CAPZB: variants seen among roughly 807,000 people sequenced by gnomAD.
The protein encoded by CAPZB is capping actin protein of muscle Z-line subunit beta.
CAPZB carries 2 observed loss-of-function variants against 38.1 expected under a neutral mutation model. That is an observed-to-expected ratio of 0.05 (90% CI 0.02 to 0.17). The LOEUF is 0.17. Among genes scored for constraint, CAPZB ranks in the 10% least tolerant of loss-of-function variants. The pLI is 1.00. For missense variants in CAPZB, 161 were observed against 334.2 expected, an observed-to-expected ratio of 0.48 and a Z score of 4.04; for synonymous variants, 107 against 127.4, an observed-to-expected ratio of 0.84 and a Z score of 1.08.
intron 1 of CAPZB, among the ~76,000 whole-genome samples, chr1:19,441,835 C>A (rs1427909788): frequency 6.6e-6 from 1 of 151,992 alleles, no homozygotes; most frequent in African/African-American, 2.4e-5. Flanking sequence ...TGGCAAAACC[C>A]CATCTCTACC....
chr1:19,452,793 C>CTTT (rs34430556), intron 1 of CAPZB, among the ~76,000 whole-genome samples: 11 of 118,426 alleles, frequency 9.3e-5, no homozygotes, highest in African/African-American at 1.9e-4. Flanking sequence ...TAATTTCTTT[C>CTTT]TTTTTTTTTT....
intron 1 of CAPZB, among the ~76,000 whole-genome samples, chr1:19,427,462 G>A (rs569218926): frequency 2.0e-5 from 3 of 152,304 alleles, no homozygotes; most frequent in African/African-American, 7.2e-5. Flanking sequence ...ACTTAACCAT[G>A]GTTTGTCTTG....
intron 8 of CAPZB, among the ~76,000 whole-genome samples, chr1:19,343,594 G>A (rs2093944557): frequency 6.6e-6 from 1 of 152,200 alleles, no homozygotes; most frequent in Non-Finnish European, 1.5e-5. Context: ...CAGAGCTTAG[G>A]GGAGATCCCG....
At chr1:19,373,319 G>C (rs1328086866) in intron 4 of CAPZB, among the ~76,000 whole-genome samples, 1 of 152,182 alleles carries the variant, frequency 6.6e-6, no homozygotes, top group South Asian at 2.1e-4. Flanking sequence ...GGGGAGAGGG[G>C]CTGCCACATC....
rs375034460 is a variant in CAPZB, at chr1:19,343,440, C to T, written c.731+918G>A. On this transcript the variant is annotated intron_variant, in intron 8 of 8. Coordinates refer to ENST00000264202, the MANE Select transcript of CAPZB (RefSeq NM_004930.5). ...CACGGCAGTGGGTGAGAGGGCTGGC[C>T]GCTAAAGGCATAGCACAGCCCGACT... 3.0e-4 allele frequency among the ~76,000 whole-genome samples: 45 copies of T among 152,316 alleles called. No homozygotes were observed. In the East Asian group the frequency reaches 5.8e-3, roughly 20 times the overall value.
chr1:19,435,212 G>A (rs1354825704), intron 1 of CAPZB, among the ~76,000 whole-genome samples: 2 of 152,118 alleles, frequency 1.3e-5, no homozygotes, highest in African/African-American at 2.4e-5. Context: ...CAACAGACAA[G>A]TTTCCTGAGA....
At chr1:19,376,920 A>C (rs975731411) in intron 4 of CAPZB, among the ~76,000 whole-genome samples, 1 of 152,102 alleles carries the variant, frequency 6.6e-6, no homozygotes, top group African/African-American at 2.4e-5. Flanking sequence ...AAGTTATATC[A>C]CCTTTCTGAT....
intron 4 of CAPZB, among the ~76,000 whole-genome samples, chr1:19,363,279 T>TTTTTTTTGAA (rs397979443): frequency 6.7e-6 from 1 of 148,524 alleles, no homozygotes. Context: ...TTTTTTTTTT[T>TTTTTTTTGAA]AGAGACAGGG....
chr1:19,450,160 A>AG (rs1231080447), intron 1 of CAPZB, among the ~76,000 whole-genome samples: 910 of 82,810 alleles, frequency 0.011, 22 homozygotes, highest in African/African-American at 0.032. Flanking sequence ...AAAAAAAAAA[A>AG]AAAAAAAAAG....
chr1:19,442,617 C>T (rs549295430), intron 1 of CAPZB, among the ~76,000 whole-genome samples: 10 of 152,262 alleles, frequency 6.6e-5, no homozygotes, highest in Non-Finnish European at 8.8e-5. Flanking sequence ...CACTCACACT[C>T]GCACTCGGTC....
chr1:19,479,196 C>T (rs568680419), intron 1 of CAPZB, among the ~76,000 whole-genome samples: 2 of 152,216 alleles, frequency 1.3e-5, no homozygotes, highest in East Asian at 1.9e-4. Flanking sequence ...GGTGGCAGAG[C>T]GAGACTCTGT....
chr1:19,437,275 G>C (rs542906489), intron 1 of CAPZB, among the ~76,000 whole-genome samples: 18 of 152,278 alleles, frequency 1.2e-4, no homozygotes, highest in African/African-American at 4.3e-4. Flanking sequence ...TCCTCAGCCT[G>C]TGTCTGAGAG....
chr1:19,413,501 T>C (rs2094366274), intron 2 of CAPZB, among the ~76,000 whole-genome samples: 1 of 152,172 alleles, frequency 6.6e-6, no homozygotes, highest in Non-Finnish European at 1.5e-5. Flanking sequence ...GCCCAAAACA[T>C]TTTTTAATTT....
chr1:19,469,647 C>G (rs145059381), intron 1 of CAPZB, among the ~76,000 whole-genome samples: 1 of 151,362 alleles, frequency 6.6e-6, no homozygotes, highest in African/African-American at 2.4e-5. Context: ...GCAAAGTGAC[C>G]GGTTCAAGAA....
At chr1:19,447,077 C>G (rs905621931) in intron 1 of CAPZB, among the ~76,000 whole-genome samples, 2 of 152,170 alleles carry the variant, frequency 1.3e-5, no homozygotes, top group Non-Finnish European at 2.9e-5. Context: ...ACCTGCCACA[C>G]TCAAGATTAT....
At chr1:19,379,875 C>T (rs1025296434) in intron 3 of CAPZB, among the ~76,000 whole-genome samples, 1 of 152,146 alleles carries the variant, frequency 6.6e-6, no homozygotes, top group African/African-American at 2.4e-5. Flanking sequence ...ACAGAGAAGA[C>T]AACATGGAAT....
intron 1 of CAPZB, among the ~76,000 whole-genome samples, chr1:19,470,919 C>T (rs1442461100): frequency 1.3e-5 from 2 of 152,200 alleles, no homozygotes; most frequent in Admixed American, 6.5e-5. Flanking sequence ...GCCTGCCTTC[C>T]TAGCTCTGAG....
chr1:19,400,159 C>T (rs2094295287), intron 2 of CAPZB, among the ~76,000 whole-genome samples: 1 of 152,106 alleles, frequency 6.6e-6, no homozygotes. Flanking sequence ...TGCCTGCCTC[C>T]GAGACCTCAA....
At chr1:19,416,676 A>C (rs533788608) in intron 2 of CAPZB, among the ~76,000 whole-genome samples, 2 of 151,998 alleles carry the variant, frequency 1.3e-5, no homozygotes, top group African/African-American at 2.4e-5. Flanking sequence ...CATAGGGAGA[A>C]CCAGTCTCTA....
Sources: gnomAD v4.1 joint callset for allele counts (sites outside exome capture counted in the v4.1 genomes callset) on GRCh38, gnomAD v4.1.1 for gene constraint, MANE v1.5 for transcripts, NCBI Gene and HGNC (gene_info 2026-07-23, HGNC 2026-07-21) for gene names.